COL14A1: variants seen among roughly 807,000 people sequenced by gnomAD.
COL14A1 encodes the protein collagen alpha-1(XIV) chain.
Under a neutral mutation model 230.3 loss-of-function variants are expected in COL14A1, and 136 were observed. The observed-to-expected ratio is 0.59, with a 90% CI of 0.51 to 0.68. The LOEUF is 0.68. COL14A1 is among the 30% of genes least tolerant of loss of function. COL14A1 has a pLI of 0.00. For synonymous variants in COL14A1, 792 were observed against 784.1 expected (o/e 1.01, Z -0.17); for missense variants, 1,976 against 2,215.8 (o/e 0.89, Z 2.17).
At chr8:120,131,965 G>T (rs192414330) in intron 1 of COL14A1, among the ~76,000 whole-genome samples, 1 of 145,328 alleles carries the variant, frequency 6.9e-6, no homozygotes, top group African/African-American at 2.5e-5. Flanking sequence ...TCCTGCCCCA[G>T]CCTCTCTAGT....
Position 120,174,086 on chromosome 8 carries a change from A to G in COL14A1, c.436+5839A>G, listed in dbSNP as rs559393314. On this transcript the variant is annotated intron_variant, in intron 5 of 47. Coordinates refer to ENST00000297848, the MANE Select transcript of COL14A1 (RefSeq NM_021110.4). ...GTTGAAAAGTCTACAAAAGGATGAC[A>G]CTGAAAAAGAAGTATCACATCTGCT... 2.0e-5 allele frequency among the ~76,000 whole-genome samples: 3 copies of G among 152,368 alleles called. No homozygotes were observed. In the East Asian group the frequency reaches 5.8e-4, roughly 29 times the overall value.
At chr8:120,250,589 A>G in intron 21 of COL14A1, 28 bp from the exon 22 acceptor site, 1 of 1,613,354 alleles carries the variant, frequency 6.2e-7, no homozygotes, top group Non-Finnish European at 8.5e-7. Flanking sequence ...TTTTGTTGTA[A>G]CTAAAATATA....
chr8:120,230,064 T>C (rs1352872212), intron 18 of COL14A1, among the ~76,000 whole-genome samples: 1 of 152,112 alleles, frequency 6.6e-6, no homozygotes, highest in Non-Finnish European at 1.5e-5. Flanking sequence ...TGAATTTTAG[T>C]AGAGATGAGG....
intron 12 of COL14A1, 26 bp downstream of exon 12, chr8:120,209,927 C>T: frequency 6.9e-7 from 1 of 1,444,954 alleles, no homozygotes; most frequent in South Asian, 1.6e-5. Flanking sequence ...CTATTACAGT[C>T]CTAGAATCTT....
At chr8:120,345,975 G>A (rs1822495601) in intron 45 of COL14A1, among the ~76,000 whole-genome samples, 1 of 152,210 alleles carries the variant, frequency 6.6e-6, no homozygotes, top group African/African-American at 2.4e-5. Context: ...GTGATTTGCT[G>A]GTGCTTTATT....
At chr8:120,252,975 A>G (rs1347152355) in intron 22 of COL14A1, among the ~76,000 whole-genome samples, 1 of 152,186 alleles carries the variant, frequency 6.6e-6, no homozygotes, top group Admixed American at 6.5e-5. Flanking sequence ...AATAGTCTCC[A>G]TCTTCAACAG....
At chr8:120,216,571 C>A (rs1586774517) in intron 14 of COL14A1, 81 bp downstream of exon 14, 1 of 1,356,044 alleles carries the variant, frequency 7.4e-7, no homozygotes. Context: ...CATCTCAAAG[C>A]CTAGTGGCTT....
At chr8:120,319,431 T>C (rs886625034) in intron 40 of COL14A1, among the ~76,000 whole-genome samples, 1 of 152,082 alleles carries the variant, frequency 6.6e-6, no homozygotes, top group Non-Finnish European at 1.5e-5. Context: ...TGCCTCAGCC[T>C]CCCAAGGTGC....
At chr8:120,307,217 A>G (rs1820881152) in intron 36 of COL14A1, among the ~76,000 whole-genome samples, 1 of 152,192 alleles carries the variant, frequency 6.6e-6, no homozygotes, top group African/African-American at 2.4e-5. Flanking sequence ...GCCTTTATCT[A>G]GGGATGAAAG....
At chr8:120,308,140 C>T (rs929080366) in intron 36 of COL14A1, among the ~76,000 whole-genome samples, 31 of 152,326 alleles carry the variant, frequency 2.0e-4, no homozygotes, top group African/African-American at 7.0e-4. Flanking sequence ...TGCCACCACA[C>T]TCAGCTAACT....
At chr8:120,160,231 T>C (rs1348896265) in intron 3 of COL14A1, among the ~76,000 whole-genome samples, 1 of 152,178 alleles carries the variant, frequency 6.6e-6, no homozygotes, top group African/African-American at 2.4e-5. Flanking sequence ...GAAATTTAAA[T>C]TTAAAAGATT....
rs1198967746 is a variant in COL14A1, at chr8:120,162,422, A to G, written c.206-4A>G. On this transcript the variant is annotated splice_region_variant and splice_polypyrimidine_tract_variant and intron_variant, in intron 3 of 47. Coordinates refer to ENST00000297848, the MANE Select transcript of COL14A1 (RefSeq NM_021110.4). ...AACTGATTTATTTTTCTCTTTTATT[A>G]TAGGTGGAAAAACTAACCAGCTGAA... is the stretch of plus-strand genomic sequence containing the variant. 6 of 1,593,570 alleles carry G rather than the reference A, an allele frequency of 3.8e-6. No individual in the cohort carries two copies. Among genetic ancestry groups the G allele is most frequent in the South Asian group, 1.2e-5 (1 of 86,298 alleles).
intron 13 of COL14A1, chr8:120,214,033 G>A: frequency 3.4e-6 from 1 of 298,190 alleles, no homozygotes; most frequent in Non-Finnish European, 6.6e-6. Flanking sequence ...TTTGAGGTTA[G>A]GAAACATCAT....
chr8:120,174,049 A>G (rs1816191876), intron 5 of COL14A1, among the ~76,000 whole-genome samples: 1 of 152,196 alleles, frequency 6.6e-6, no homozygotes, highest in Non-Finnish European at 1.5e-5. Flanking sequence ...AAACATTGGC[A>G]CATTTCCAGA....
chr8:120,331,107 C>CAAA (rs35915187), intron 40 of COL14A1, among the ~76,000 whole-genome samples: 171 of 60,698 alleles, frequency 2.8e-3, no homozygotes, highest in Middle Eastern at 0.027. Flanking sequence ...CTCTGTCTCA[C>CAAA]AAAAAAAAAA....
intron 28 of COL14A1, among the ~76,000 whole-genome samples, chr8:120,279,488 C>A (rs1281216088): frequency 2.6e-5 from 4 of 151,218 alleles, no homozygotes; most frequent in African/African-American, 9.7e-5. Context: ...TATTTACTTG[C>A]CAAGCATTGA....
intron 38 of COL14A1, among the ~76,000 whole-genome samples, chr8:120,315,008 C>T (rs1324079980): frequency 6.6e-6 from 1 of 152,116 alleles, no homozygotes; most frequent in Admixed American, 6.5e-5. Flanking sequence ...TTAAAACTAT[C>T]CTGGTATATA....
intron 42 of COL14A1, among the ~76,000 whole-genome samples, chr8:120,339,018 T>C (rs777320542): frequency 2.6e-5 from 4 of 152,066 alleles, no homozygotes; most frequent in Non-Finnish European, 5.9e-5. Context: ...AAATCTTACT[T>C]TTGCAAAAAA....
chr8:120,195,671 C>T (rs149194915), intron 5 of COL14A1, among the ~76,000 whole-genome samples: 2,048 of 152,236 alleles, frequency 0.013, 49 homozygotes, highest in African/African-American at 0.046. Context: ...CAGGCAAGAG[C>T]ACGTGTGCAG....
Sources: gnomAD v4.1 joint callset for allele counts (sites outside exome capture counted in the v4.1 genomes callset) on GRCh38, gnomAD v4.1.1 for gene constraint, MANE v1.5 for transcripts, NCBI Gene and HGNC (gene_info 2026-07-23, HGNC 2026-07-21) for gene names.